The following MYO5A variants were observed in gnomAD, a reference collection of about 807,000 sequenced individuals.
MYO5A encodes unconventional myosin-Va.
Under a neutral mutation model 249.7 loss-of-function variants are expected in MYO5A, and 98 were observed. That is an observed-to-expected ratio of 0.39 (90% CI 0.33 to 0.46). The LOEUF (loss-of-function observed/expected upper bound fraction) is 0.46. Ranked by LOEUF, MYO5A falls within the 20% of genes least tolerant of loss-of-function variation. The probability of loss-of-function intolerance (pLI) is 0.98; values close to 1 mark genes in which losing one functional copy is unlikely to be tolerated. For missense variants in MYO5A, 1,696 were observed against 2,308.8 expected, an observed-to-expected ratio of 0.73 and a Z score of 5.44; for synonymous variants, 778 against 810.6, an observed-to-expected ratio of 0.96 and a Z score of 0.68.
chr15:52,430,938 A>T (rs1056376424), intron 2 of MYO5A, among the ~76,000 whole-genome samples: 24 of 152,074 alleles, frequency 1.6e-4, no homozygotes, highest in African/African-American at 2.4e-4. Context: ...TATTTTTTTT[A>T]AAAAAAGTCA....
rs1350401602 is a variant in MYO5A at position 52,428,577 on chromosome 15, T to C, written c.139-8A>G. On this transcript the variant is annotated splice_polypyrimidine_tract_variant and splice_region_variant and intron_variant, in intron 2 of 41. Coordinates refer to ENST00000399233, the MANE Select transcript of MYO5A (RefSeq NM_001382347.1). ...TAGATGGTATTCCAAATCCTGAAAA[T>C]GCACAAGGCACAGCATCTGGATGAA... 1.2e-6 allele frequency: 2 copies of C among 1,613,936 alleles called. No individual in the cohort carries two copies. Among genetic ancestry groups the C allele is most frequent in the Non-Finnish European group, 1.7e-6 (2 of 1,179,948 alleles).
rs35456308 is a variant in MYO5A, at chr15:52,435,265, C to CTTTT, written c.28-1984_28-1981dup. ...ACTGTCCTGGATATTACGTTAACCT[C>CTTTT]TTTTTTTTTTTTTTTTTTTTTGAGA... On this transcript the variant is annotated intron_variant, in intron 1 of 41. Transcript: ENST00000399233. Among the ~76,000 whole-genome samples, 572 of 113,712 alleles carry CTTTT rather than the reference C, an allele frequency of 5.0e-3. 18 individuals are homozygous for CTTTT. Among genetic ancestry groups the CTTTT allele is most frequent in the Non-Finnish European group, 6.1e-3 (351 of 57,448 alleles). The allele number at this position is 113,712 out of a possible 152,430, so 74.6% of individuals were successfully genotyped here. A position where few individuals can be genotyped will look rare whatever the true frequency, so the allele number is the denominator to read the frequency against.
chr15:52,458,099 G>A (rs2076156898), intron 1 of MYO5A, among the ~76,000 whole-genome samples: 1 of 152,216 alleles, frequency 6.6e-6, no homozygotes, highest in Non-Finnish European at 1.5e-5. Context: ...CTAGAGGCTA[G>A]AAGGGTGTAT....
At chr15:52,337,204 G>C (rs888508227) in intron 33 of MYO5A, among the ~76,000 whole-genome samples, 1 of 152,112 alleles carries the variant, frequency 6.6e-6, no homozygotes, top group African/African-American at 2.4e-5. Flanking sequence ...GAAGAAAGGG[G>C]TATTTATGAA....
chr15:52,408,494 T>C (rs938777309), intron 6 of MYO5A, among the ~76,000 whole-genome samples: 1 of 152,156 alleles, frequency 6.6e-6, no homozygotes, highest in Non-Finnish European at 1.5e-5. Context: ...TGGTACCTCT[T>C]AGATTCACAG....
chr15:52,375,604 C>T (rs1042234738), intron 19 of MYO5A, 144 bp from the exon 20 acceptor site: 3 of 908,340 alleles, frequency 3.3e-6, no homozygotes, highest in East Asian at 2.6e-5. Context: ...GCTAAGTCAA[C>T]ATTTATATTT....
At chr15:52,524,678 G>GACCA (rs777166313) in intron 1 of MYO5A, among the ~76,000 whole-genome samples, 2 of 152,024 alleles carry the variant, frequency 1.3e-5, no homozygotes, top group African/African-American at 2.4e-5. Flanking sequence ...AGGAGTTTAA[G>GACCA]ACCAGCCTGG....
intron 18 of MYO5A, among the ~76,000 whole-genome samples, chr15:52,378,469 C>T (rs556978905): frequency 4.0e-5 from 5 of 123,474 alleles, no homozygotes; most frequent in African/African-American, 5.9e-5. Flanking sequence ...TGCAGTGAGC[C>T]GAGATGCCAC....
intron 24 of MYO5A, among the ~76,000 whole-genome samples, chr15:52,363,924 T>A (rs377160947): frequency 2.0e-4 from 30 of 152,316 alleles, no homozygotes; most frequent in African/African-American, 6.7e-4. Flanking sequence ...AATTTTACAT[T>A]AGGCCATTCA....
intron 32 of MYO5A, among the ~76,000 whole-genome samples, chr15:52,339,035 T>A (rs978159128): frequency 2.0e-5 from 3 of 152,180 alleles, no homozygotes; most frequent in Non-Finnish European, 2.9e-5. Flanking sequence ...TCAGAAAATT[T>A]TCCCCACAAA....
In MYO5A at chr15:52,308,984, C is replaced by T. The variant is rs955229092; in HGVS notation, c.*4712G>A. 4 of 152,634 alleles carry T rather than the reference C, an allele frequency of 2.6e-5. No individual in the cohort carries two copies. Among genetic ancestry groups the T allele is most frequent in the Non-Finnish European group, 4.4e-5 (3 of 68,274 alleles). The allele number at this position is 152,634 out of a possible 1,614,324, so 9.5% of individuals were successfully genotyped here. A position where few individuals can be genotyped will look rare whatever the true frequency, so the allele number is the denominator to read the frequency against. On this transcript the variant is annotated 3_prime_UTR_variant, in exon 42 of 42. Transcript: ENST00000399233. Reference sequence around the variant, plus strand: ...ATGCACACACTGCAGTGCCCACGCACACACTGACTTGTATATGGCCTGCCC... The same window carrying T: ...ATGCACACACTGCAGTGCCCACGCATACACTGACTTGTATATGGCCTGCCC...
intron 1 of MYO5A, among the ~76,000 whole-genome samples, chr15:52,523,901 G>A (rs897207720): frequency 6.8e-6 from 1 of 146,558 alleles, no homozygotes; most frequent in African/African-American, 2.5e-5. Flanking sequence ...GATGTTGGAA[G>A]CAGTCTGAGA....
rs146846192 is a variant in MYO5A at position 52,507,803 on chromosome 15, C to CAAAAAAAAAAAAAAAAAA, written c.27+20976_27+20977insTTTTTTTTTTTTTTTTTT. Reference sequence around the variant, plus strand: ...TGAGCAACAGAATGAGACCCTGTCCCCAAAAAAAAAAAAAAAAAGTGTAAT... The same window carrying CAAAAAAAAAAAAAAAAAA: ...TGAGCAACAGAATGAGACCCTGTCCCAAAAAAAAAAAAAAAAAACAAAAAAAAAAAAAAAAAGTGTAAT... On this transcript the variant is annotated intron_variant, in intron 1 of 41. Coordinates refer to ENST00000399233, the MANE Select transcript of MYO5A (RefSeq NM_001382347.1). Among the ~76,000 whole-genome samples, 175 of 127,144 alleles carry CAAAAAAAAAAAAAAAAAA rather than the reference C, an allele frequency of 1.4e-3. 6 individuals carry two copies. The highest frequency in any genetic ancestry group is 2.0e-3 in the Admixed American group (25 of 12,506). The allele number at this position is 127,144 out of a possible 152,430, so 83.4% of individuals were successfully genotyped here.
intron 9 of MYO5A, among the ~76,000 whole-genome samples, chr15:52,404,402 A>G (rs576539407): frequency 8.5e-5 from 13 of 152,184 alleles, no homozygotes; most frequent in Non-Finnish European, 1.8e-4. Context: ...CACAAGAAAT[A>G]GATTCTTTTC....
intron 9 of MYO5A, among the ~76,000 whole-genome samples, chr15:52,400,137 T>G (rs576815652): frequency 6.6e-5 from 10 of 152,340 alleles, no homozygotes; most frequent in African/African-American, 2.4e-4. Flanking sequence ...TCAACATTTG[T>G]TTTTCTCCCT....
chr15:52,389,950 G>A (rs755302888), intron 12 of MYO5A, among the ~76,000 whole-genome samples: 10 of 151,902 alleles, frequency 6.6e-5, no homozygotes, highest in Non-Finnish European at 1.3e-4. Flanking sequence ...GTGAAATTCC[G>A]TCTCAAAAAA....
chr15:52,413,607 G>A (rs2043344312), intron 5 of MYO5A, among the ~76,000 whole-genome samples: 2 of 152,098 alleles, frequency 1.3e-5, no homozygotes, highest in South Asian at 4.1e-4. Flanking sequence ...CTCTGATATA[G>A]GGACATAGTA....
In MYO5A at chr15:52,516,604, A is replaced by G. The variant is rs142012403; in HGVS notation, c.27+12176T>C. Among the ~76,000 whole-genome samples the G allele has an allele frequency of 6.7e-4, 102 of 152,330 alleles. 1 individual carries two copies. Among genetic ancestry groups the G allele is most frequent in the African/African-American group, 2.2e-3 (91 of 41,572 alleles). Reference sequence around the variant, plus strand: ...GCTGCTACACACGGCAATGACCTGAAGGCCTCACTAATCCCAAAACACCTT... The same window carrying G: ...GCTGCTACACACGGCAATGACCTGAGGGCCTCACTAATCCCAAAACACCTT... On this transcript the variant is annotated intron_variant, in intron 1 of 41. Coordinates refer to ENST00000399233, the MANE Select transcript of MYO5A (RefSeq NM_001382347.1).
rs372487966 is a variant in MYO5A, at chr15:52,462,081, C to T, written c.28-28796G>A. Among the ~76,000 whole-genome samples the T allele has an allele frequency of 2.7e-3, 404 of 150,012 alleles. 4 individuals carry two copies. The highest frequency in any genetic ancestry group is 0.018 in the Admixed American group (265 of 15,082). ...GATGGAGACCATCCCAACTAACACA[C>T]TGAAACCCCGTCTCTACTAAAAAAA... On this transcript the variant is annotated intron_variant, in intron 1 of 41. Transcript: ENST00000399233.
Sources: allele counts gnomAD v4.1 joint callset (sites outside exome capture counted in the v4.1 genomes callset), GRCh38; gene constraint gnomAD v4.1.1; transcripts MANE v1.5; gene names NCBI Gene and HGNC (gene_info 2026-07-23, HGNC 2026-07-21).